The following RASGRF2 variants were observed in gnomAD, a reference collection of about 807,000 sequenced individuals.
RASGRF2 encodes ras-specific guanine nucleotide-releasing factor 2.
Under a neutral mutation model 151.0 loss-of-function variants are expected in RASGRF2, and 76 were observed. That is an observed-to-expected ratio of 0.50 (90% confidence interval 0.42 to 0.61). The LOEUF is 0.61. Among genes scored for constraint, RASGRF2 ranks in the 20% least tolerant of loss-of-function variants. The pLI, the probability that RASGRF2 is intolerant of heterozygous loss-of-function variation, is 0.00. For synonymous variants in RASGRF2, 504 were observed against 566.5 expected (o/e 0.89, Z 1.57); for missense variants, 1,148 against 1,564.6 (o/e 0.73, Z 4.49).
chr5:81,186,175 C>T (rs1290437778), intron 18 of RASGRF2, among the ~76,000 whole-genome samples: 1 of 152,176 alleles, frequency 6.6e-6, no homozygotes, highest in Non-Finnish European at 1.5e-5. Context: ...TTTCAGTTAA[C>T]ATGCTTTTTG....
At chr5:80,984,907 T>G (rs1396247156) in intron 1 of RASGRF2, among the ~76,000 whole-genome samples, 2 of 152,228 alleles carry the variant, frequency 1.3e-5, no homozygotes, top group Non-Finnish European at 2.9e-5. Context: ...TATGAATTTG[T>G]ACTTTTAAGA....
intron 17 of RASGRF2, among the ~76,000 whole-genome samples, chr5:81,179,339 C>T (rs1049053745): frequency 1.3e-5 from 2 of 152,140 alleles, no homozygotes; most frequent in Non-Finnish European, 2.9e-5. Context: ...GTCTTAATCC[C>T]ACAACAACTT....
At chr5:81,032,707 C>G (rs1102235) in intron 1 of RASGRF2, among the ~76,000 whole-genome samples, 1 of 150,814 alleles carries the variant, frequency 6.6e-6, no homozygotes, top group Non-Finnish European at 1.5e-5. Flanking sequence ...ATGGGCAAAA[C>G]CTGGAAGCAT....
intron 1 of RASGRF2, among the ~76,000 whole-genome samples, chr5:80,992,622 T>C (rs1194750585): frequency 6.6e-6 from 1 of 152,158 alleles, no homozygotes; most frequent in Non-Finnish European, 1.5e-5. Flanking sequence ...AATTTGAGCT[T>C]GTTTATTGTT....
At chr5:81,190,459 T>A (rs1311006710) in intron 18 of RASGRF2, among the ~76,000 whole-genome samples, 1 of 152,244 alleles carries the variant, frequency 6.6e-6, no homozygotes, top group Non-Finnish European at 1.5e-5. Context: ...GTTAGCTTGC[T>A]AGTTTCCACA....
chr5:81,059,207 C>T (rs1337281819), intron 2 of RASGRF2, among the ~76,000 whole-genome samples: 1 of 151,794 alleles, frequency 6.6e-6, no homozygotes, highest in East Asian at 2.0e-4. Context: ...CACGGTGAAA[C>T]CCCCTCTCTA....
At chr5:80,984,654 C>T (rs1016965750) in intron 1 of RASGRF2, among the ~76,000 whole-genome samples, 1 of 152,164 alleles carries the variant, frequency 6.6e-6, no homozygotes, top group Non-Finnish European at 1.5e-5. Context: ...GATCCAGCAA[C>T]TCTACTTCTA....
intron 9 of RASGRF2, among the ~76,000 whole-genome samples, chr5:81,089,518 T>G (rs1262323387): frequency 1.3e-5 from 2 of 152,214 alleles, no homozygotes; most frequent in Non-Finnish European, 2.9e-5. Context: ...AATGAAAGTT[T>G]TATTGTAAAT....
intron 2 of RASGRF2, among the ~76,000 whole-genome samples, 191 bp downstream of exon 2, chr5:81,043,174 T>C (rs892900748): frequency 2.0e-5 from 3 of 152,200 alleles, no homozygotes; most frequent in African/African-American, 7.2e-5. Context: ...TTAATGGTAA[T>C]AGATACAATG....
At chr5:81,073,728 C>T (rs1418937277) in intron 5 of RASGRF2, among the ~76,000 whole-genome samples, 2 of 152,172 alleles carry the variant, frequency 1.3e-5, no homozygotes, top group South Asian at 2.1e-4. Flanking sequence ...ACGCCATCCT[C>T]CTGCCTCAGC....
chr5:80,969,512 G>C (rs190617745), intron 1 of RASGRF2, among the ~76,000 whole-genome samples: 2,689 of 149,926 alleles, frequency 0.018, 43 homozygotes, highest in Middle Eastern at 0.031. Flanking sequence ...GCAGTGGCGC[G>C]ATCTTGGCTC....
chr5:81,016,923 T>G (rs1416138428), intron 1 of RASGRF2, among the ~76,000 whole-genome samples: 2 of 152,188 alleles, frequency 1.3e-5, no homozygotes. Flanking sequence ...ATATGACTAT[T>G]AAACATCCAC....
chr5:81,197,992 G>A (rs907676913), intron 18 of RASGRF2, among the ~76,000 whole-genome samples: 2 of 151,910 alleles, frequency 1.3e-5, no homozygotes, highest in African/African-American at 2.4e-5. Flanking sequence ...AATTTTTTGA[G>A]AGAAAAATTG....
At chr5:81,214,468 G>C (rs1364082525) in intron 23 of RASGRF2, among the ~76,000 whole-genome samples, 1 of 152,216 alleles carries the variant, frequency 6.6e-6, no homozygotes, top group African/African-American at 2.4e-5. Flanking sequence ...ATCAGCCGGG[G>C]AGTTGTTCAG....
At chr5:80,989,509 G>A (rs1748581973) in intron 1 of RASGRF2, among the ~76,000 whole-genome samples, 1 of 152,204 alleles carries the variant, frequency 6.6e-6, no homozygotes, top group South Asian at 2.1e-4. Flanking sequence ...GATGCTTAAA[G>A]ACTCCTTTGT....
rs1159708892 is a variant in RASGRF2, at chr5:81,228,388, G to T, written c.*2618G>T. On this transcript the variant is annotated 3_prime_UTR_variant, in exon 27 of 27. Coordinates refer to ENST00000265080, the MANE Select transcript of RASGRF2 (RefSeq NM_006909.3). Reference sequence around the variant, plus strand: ...CACATTTTAAAATCCCTTCAATTTGGTCAAATTAAAAATCCCCAAGAGCAA... The same window carrying T: ...CACATTTTAAAATCCCTTCAATTTGTTCAAATTAAAAATCCCCAAGAGCAA... 6.6e-6 allele frequency: 1 copy of T among 152,106 alleles called. No individual in the cohort carries two copies. Among genetic ancestry groups the T allele is most frequent in the Non-Finnish European group, 1.5e-5 (1 of 68,028 alleles). The allele number at this position is 152,106 out of a possible 1,614,324, so 9.4% of individuals were successfully genotyped here. A position where few individuals can be genotyped will look rare whatever the true frequency, so the allele number is the denominator to read the frequency against.
chr5:81,037,131 A>G (rs559715567), intron 1 of RASGRF2, among the ~76,000 whole-genome samples: 2 of 152,294 alleles, frequency 1.3e-5, no homozygotes, highest in African/African-American at 2.4e-5. Context: ...TATCATGAGA[A>G]CAGTATGGGA....
chr5:81,141,280 G>T (rs1753879147), intron 17 of RASGRF2, among the ~76,000 whole-genome samples: 1 of 152,070 alleles, frequency 6.6e-6, no homozygotes, highest in Non-Finnish European at 1.5e-5. Context: ...CCTTTTACTG[G>T]GTGATTTTAC....
Position 81,089,338 on chromosome 5 carries a change from G to A in RASGRF2, c.1390+2385G>A, listed in dbSNP as rs772781286. On this transcript the variant is annotated intron_variant, in intron 9 of 26. Coordinates refer to ENST00000265080, the MANE Select transcript of RASGRF2 (RefSeq NM_006909.3). ...TGATATGTGGTCTATTTCTATGTGC[G>A]TGTGTGTGTGTGTGCATGCGTGCAT... is the stretch of plus-strand genomic sequence containing the variant. 1.5e-4 allele frequency among the ~76,000 whole-genome samples: 23 copies of A among 149,686 alleles called. 1 individual carries two copies. Among genetic ancestry groups the A allele is most frequent in the Non-Finnish European group, 1.6e-4 (11 of 67,326 alleles).
Sources: gnomAD v4.1 joint callset for allele counts (sites outside exome capture counted in the v4.1 genomes callset) on GRCh38, gnomAD v4.1.1 for gene constraint, MANE v1.5 for transcripts, NCBI Gene and HGNC (gene_info 2026-07-23, HGNC 2026-07-21) for gene names.